The following LATS2 variants were observed in gnomAD, a reference collection of about 807,000 sequenced individuals.
LATS2 encodes the protein serine/threonine-protein kinase LATS2.
In LATS2, 24 loss-of-function variants were observed where a neutral mutation model predicts 76.0. The observed-to-expected ratio is 0.32, with a 90% CI of 0.23 to 0.44. LATS2 has a LOEUF of 0.44. Among genes scored for constraint, LATS2 ranks in the 20% least tolerant of loss-of-function variants. The pLI is 1.00. For missense variants in LATS2, 1,286 were observed against 1,481.2 expected (o/e 0.87, Z 2.16); for synonymous variants, 692 against 635.4 (o/e 1.09, Z -1.34).
intron 2 of LATS2, among the ~76,000 whole-genome samples, chr13:21,036,557 G>A (rs1300233879): frequency 1.3e-5 from 2 of 151,936 alleles, no homozygotes; most frequent in Non-Finnish European, 2.9e-5. Context: ...GGCAGATCAC[G>A]AGGTCAGGAG....
Position 20,988,727 on chromosome 13 carries a change from C to A in LATS2, c.1053G>T (p.Ser351=), listed in dbSNP as rs934267586. The change falls in exon 4 of 8, where the codon TCG becomes TCT. Residue 351 remains serine, a synonymous_variant. Transcript: ENST00000382592. ...ACAGGTCCACGTTGAGGCTGTTCCGCGAGGGAGTGAGCAGGCTCTGCGGGG... is the reference window on the plus strand; with the variant it reads ...ACAGGTCCACGTTGAGGCTGTTCCGAGAGGGAGTGAGCAGGCTCTGCGGGG... ...DSPPQSLLTP[S]RNSLNVDLYE... The A allele has an allele frequency of 1.3e-6, 2 of 1,566,310 alleles. No homozygotes were observed. The highest frequency in any genetic ancestry group is 2.7e-5 in the African/African-American group (2 of 73,954).
chr13:21,052,526 T>C (rs1182244093), intron 1 of LATS2, among the ~76,000 whole-genome samples: 1 of 152,072 alleles, frequency 6.6e-6, no homozygotes, highest in Non-Finnish European at 1.5e-5. Context: ...AATTTTTGTA[T>C]TTTTAGCAGA....
rs531188279 is a variant in LATS2 at position 21,023,534 on chromosome 13, C to T, written c.342+22151G>A. Reference sequence around the variant, plus strand: ...GCGGGGCCAGGACTCTCCACGCTGCCGGAGAGCCCAGACAGTGTCTGAGAT... The same window carrying T: ...GCGGGGCCAGGACTCTCCACGCTGCTGGAGAGCCCAGACAGTGTCTGAGAT... On this transcript the variant is annotated intron_variant, in intron 2 of 7. Transcript: ENST00000382592. 3.1e-3 allele frequency among the ~76,000 whole-genome samples: 466 copies of T among 151,212 alleles called. 1 individual carries two copies. The highest frequency in any genetic ancestry group is 5.6e-3 in the Non-Finnish European group (379 of 67,934).
At chr13:20,985,005 T>G (rs920940082) in intron 4 of LATS2, among the ~76,000 whole-genome samples, 1 of 152,124 alleles carries the variant, frequency 6.6e-6, no homozygotes, top group African/African-American at 2.4e-5. Context: ...GTCCACGTAT[T>G]TACAGCCACC....
At chr13:21,044,932 T>C (rs1233867734) in intron 2 of LATS2, among the ~76,000 whole-genome samples, 1 of 152,096 alleles carries the variant, frequency 6.6e-6, no homozygotes, top group African/African-American at 2.4e-5. Context: ...CTCGCTATGT[T>C]GTCCAGGCTG....
At chr13:21,051,977 C>T (rs1346177321) in intron 1 of LATS2, among the ~76,000 whole-genome samples, 1 of 152,118 alleles carries the variant, frequency 6.6e-6, no homozygotes, top group Non-Finnish European at 1.5e-5. Context: ...GGAGGGGAAG[C>T]TCACTGAAAA....
chr13:20,979,948 T>C lies in LATS2; in HGVS notation c.2666-151A>G, dbSNP rs1595209543. ...CGCAAGATGGACCTATGTAAGTACC[T>C]GGATACTACTGGGTGGGGTGGTGGG... is the stretch of plus-strand genomic sequence containing the variant. On this transcript the variant is annotated intron_variant, in intron 6 of 7. Coordinates refer to ENST00000382592, the MANE Select transcript of LATS2 (RefSeq NM_014572.3). 29 of 432,708 alleles carry C rather than the reference T, an allele frequency of 6.7e-5. No homozygotes were observed. The East Asian group carries it at 1.0e-3, about 15-fold the overall frequency. The allele number at this position is 432,708 out of a possible 1,614,324, so 26.8% of individuals were successfully genotyped here. A position where few individuals can be genotyped will look rare whatever the true frequency, so the allele number is the denominator to read the frequency against.
chr13:21,012,207 A>T (rs2480172), intron 2 of LATS2, among the ~76,000 whole-genome samples: 39,105 of 151,620 alleles, frequency 0.26, 5,434 homozygotes, highest in African/African-American at 0.35. Context: ...ATAAAAGATT[A>T]AAAAAAATGC....
rs369800545 is a variant in LATS2, at chr13:20,985,828, C to A, written c.1900-2022G>T. Among the ~76,000 whole-genome samples the A allele has an allele frequency of 4.0e-5, 6 of 151,882 alleles. No individual in the cohort carries two copies. The East Asian group carries it at 1.2e-3, about 29-fold the overall frequency. The stretch of plus-strand genomic sequence containing the variant: ...TGGGAGGCTGAGACAGGTGGATCAT[C>A]TGAGGTCGGAAGTTTGAGACCAGCC... On this transcript the variant is annotated intron_variant, in intron 4 of 7. Transcript: ENST00000382592.
At chr13:20,999,213 G>A (rs940720499) in intron 2 of LATS2, among the ~76,000 whole-genome samples, 9 of 152,244 alleles carry the variant, frequency 5.9e-5, no homozygotes, top group Non-Finnish European at 1.0e-4. Flanking sequence ...CACCTTGCGC[G>A]GATGCAGCAG....
At chr13:20,983,076 G>A in intron 5 of LATS2, 148 bp downstream of exon 5, 1 of 592,670 alleles carries the variant, frequency 1.7e-6, no homozygotes, top group East Asian at 2.8e-5. Flanking sequence ...TGGAAGGGAA[G>A]GATGTCACAC....
Position 20,977,441 on chromosome 13 carries a change from G to A in LATS2, c.2773-2077C>T, listed in dbSNP as rs543006393. On this transcript the variant is annotated intron_variant, in intron 7 of 7. Coordinates refer to ENST00000382592, the MANE Select transcript of LATS2 (RefSeq NM_014572.3). ...ACCAAACTCACAGAGACAGGAAGCA[G>A]AAGAGAGGCGAGCAGGTGCTGAAAA... 2.0e-5 allele frequency among the ~76,000 whole-genome samples: 3 copies of A among 151,420 alleles called. No individual in the cohort carries two copies. The South Asian group carries it at 6.2e-4, about 32-fold the overall frequency.
intron 2 of LATS2, among the ~76,000 whole-genome samples, chr13:21,007,547 A>G (rs188501244): frequency 0.066 from 167 of 2,516 alleles, 32 homozygotes; most frequent in East Asian, 0.4. Flanking sequence ...TATATATAGT[A>G]TATATATATA....
chr13:20,987,087 C>G (rs746313454), intron 4 of LATS2, among the ~76,000 whole-genome samples: 1 of 152,222 alleles, frequency 6.6e-6, no homozygotes, highest in Non-Finnish European at 1.5e-5. Flanking sequence ...CCCAACTACT[C>G]GGGAAGCTGA....
intron 1 of LATS2, among the ~76,000 whole-genome samples, chr13:21,048,053 G>C (rs895995360): frequency 1.3e-5 from 2 of 152,212 alleles, no homozygotes; most frequent in Non-Finnish European, 2.9e-5. Flanking sequence ...GGACAGCCCA[G>C]ATCCCCTGGG....
Position 20,974,380 on chromosome 13 carries a change from T to A in LATS2, c.*490A>T, listed in dbSNP as rs1869491956. The A allele has an allele frequency of 4.4e-6, 1 of 227,734 alleles. No individual in the cohort carries two copies. Among genetic ancestry groups the A allele is most frequent in the East Asian group, 6.3e-5 (1 of 15,764 alleles). The allele number at this position is 227,734 out of a possible 1,614,324, so 14.1% of individuals were successfully genotyped here. A position where few individuals can be genotyped will look rare whatever the true frequency, so the allele number is the denominator to read the frequency against. ...GGAAAAAATAAAAAACAAAAACCAT[T>A]GTGTGGATAAAATGGTCTCCGTGAC... On this transcript the variant is annotated 3_prime_UTR_variant, in exon 8 of 8. Transcript: ENST00000382592.
At chr13:20,977,598 GTAAA>G (rs954318517) in intron 7 of LATS2, among the ~76,000 whole-genome samples, 13 of 149,240 alleles carry the variant, frequency 8.7e-5, no homozygotes, top group African/African-American at 3.2e-4. Context: ...ATTAAAAATG[GTAAA>G]TAATTAAAAT....
At chr13:21,033,219 T>C (rs1485605165) in intron 2 of LATS2, among the ~76,000 whole-genome samples, 2 of 151,400 alleles carry the variant, frequency 1.3e-5, no homozygotes, top group Admixed American at 6.6e-5. Context: ...TAGGAACCTT[T>C]GTTAGACCAG....
chr13:21,035,865 C>T (rs997570660), intron 2 of LATS2, among the ~76,000 whole-genome samples: 2 of 152,166 alleles, frequency 1.3e-5, no homozygotes, highest in African/African-American at 4.8e-5. Context: ...GTAAGTCATT[C>T]AGGGAGCAGA....
Sources: allele counts gnomAD v4.1 joint callset (sites outside exome capture counted in the v4.1 genomes callset), GRCh38; gene constraint gnomAD v4.1.1; transcripts MANE v1.5; gene names NCBI Gene and HGNC (gene_info 2026-07-23, HGNC 2026-07-21).